The following ANK2 variants were observed in gnomAD, a reference collection of about 807,000 sequenced individuals.
ANK2 encodes ankyrin 2, also known as ankyrin-2.
ANK2 carries 83 observed loss-of-function variants against 360.5 expected under a neutral mutation model. That is an observed-to-expected ratio of 0.23 (90% CI 0.19 to 0.28). ANK2 has a LOEUF of 0.28. Among genes scored for constraint, ANK2 ranks in the 10% least tolerant of loss-of-function variants. The probability of loss-of-function intolerance (pLI) is 1.00; values close to 1 mark genes in which losing one functional copy is unlikely to be tolerated. For missense variants in ANK2, 4,201 were observed against 4,795.7 expected (o/e 0.88, Z 3.66); for synonymous variants, 1,740 against 1,759.5 (o/e 0.99, Z 0.28).
At chr4:113,280,742 G>A (rs924213742) in intron 17 of ANK2, among the ~76,000 whole-genome samples, 1 of 152,134 alleles carries the variant, frequency 6.6e-6, no homozygotes, top group African/African-American at 2.4e-5. Flanking sequence ...AGATCTTGTA[G>A]GTTGAGTATC....
chr4:112,812,074 C>CAA, the ANK2 span, among the ~76,000 whole-genome samples: 665 of 78,266 alleles, frequency 8.5e-3, 6 homozygotes, highest in East Asian at 0.025. Context: ...GACTCCGTCT[C>CAA]AAAAAAAAAA....
intron 2 of ANK2, among the ~76,000 whole-genome samples, chr4:112,987,342 C>G (rs537444530): frequency 6.6e-6 from 1 of 152,136 alleles, no homozygotes; most frequent in Non-Finnish European, 1.5e-5. Context: ...TGGTGATGTT[C>G]TCTATACTCA....
chr4:112,765,897 G>T, the ANK2 span, among the ~76,000 whole-genome samples: 1 of 152,022 alleles, frequency 6.6e-6, no homozygotes, highest in Non-Finnish European at 1.5e-5. Flanking sequence ...GCCACACTTG[G>T]AATCATCCTC....
At chr4:113,210,051 C>T (rs2099003070) in intron 4 of ANK2, among the ~76,000 whole-genome samples, 1 of 152,146 alleles carries the variant, frequency 6.6e-6, no homozygotes, top group Non-Finnish European at 1.5e-5. Context: ...GCTTTTGTGC[C>T]TATAGGGGAA....
At chr4:113,072,299 G>A (rs922043213) in intron 1 of ANK2, among the ~76,000 whole-genome samples, 9 of 152,190 alleles carry the variant, frequency 5.9e-5, no homozygotes, top group African/African-American at 9.7e-5. Flanking sequence ...CAATTTTTAT[G>A]TCCTCAAGCC....
rs572100423 is a variant in ANK2 at position 113,322,927 on chromosome 4, G to T, written c.2900+4307G>T. On this transcript the variant is annotated intron_variant, in intron 26 of 45. Coordinates refer to ENST00000357077, the MANE Select transcript of ANK2 (RefSeq NM_001148.6). ...TAGGGTTTTTTTTAGATACGTGAAG[G>T]TAAATTCTTTTAGATGAGGAAAGTT... Among the ~76,000 whole-genome samples, 7 of 152,112 alleles carry T rather than the reference G, an allele frequency of 4.6e-5. 1 individual carries two copies. Among genetic ancestry groups the T allele is most frequent in the African/African-American group, 1.7e-4 (7 of 41,488 alleles).
chr4:112,877,230 C>A (rs1412578407), intron 1 of ANK2, among the ~76,000 whole-genome samples: 2 of 152,196 alleles, frequency 1.3e-5, no homozygotes, highest in Non-Finnish European at 2.9e-5. Context: ...TATTGCTAAG[C>A]CTGTAAGACG....
At chr4:113,269,581 TG>T (rs1266735930) in intron 14 of ANK2, among the ~76,000 whole-genome samples, 7 of 152,232 alleles carry the variant, frequency 4.6e-5, no homozygotes, top group African/African-American at 1.7e-4. Context: ...CACCCTGCTT[TG>T]GCTTGCCCTC....
At position 113,332,117 on chromosome 4, in the gene ANK2, TCTC is replaced by T. The variant is rs767380595; in HGVS notation, c.3224+50_3224+52del. 3.4e-6 allele frequency: 5 copies of T among 1,455,046 alleles called. No homozygotes were observed. The Admixed American group carries it at 8.4e-5, about 24-fold the overall frequency. The allele number at this position is 1,455,046 out of a possible 1,614,324, so 90.1% of individuals were successfully genotyped here. A position where few individuals can be genotyped will look rare whatever the true frequency, so the allele number is the denominator to read the frequency against. ...TTGATGGCTGCTGGCCCCCCATTCTTCTCCTTCTTCTGCAATATGATTTCTCTT... is the reference window on the plus strand; with the variant it reads ...TTGATGGCTGCTGGCCCCCCATTCTTCTTCTTCTGCAATATGATTTCTCTT... On this transcript the variant is annotated intron_variant, in intron 28 of 45. Coordinates refer to ENST00000357077, the MANE Select transcript of ANK2 (RefSeq NM_001148.6).
chr4:113,232,305 C>T, intron 5 of ANK2, 46 bp downstream of exon 5: 1 of 1,384,696 alleles, frequency 7.2e-7, no homozygotes, highest in Non-Finnish European at 1.0e-6. Context: ...ATCTTAATGT[C>T]CATATTCTTT....
chr4:113,198,431 T>G (rs527894628), intron 3 of ANK2, among the ~76,000 whole-genome samples: 2 of 152,308 alleles, frequency 1.3e-5, no homozygotes, highest in African/African-American at 4.8e-5. Context: ...AAATTATTTT[T>G]CATTGGTGTT....
intron 2 of ANK2, among the ~76,000 whole-genome samples, chr4:112,955,033 A>T (rs1284454122): frequency 2.0e-5 from 3 of 152,168 alleles, no homozygotes; most frequent in Non-Finnish European, 4.4e-5. Flanking sequence ...TGCCCACATT[A>T]CAACTATGTT....
At chr4:113,008,315 C>A (rs1264988119) in intron 2 of ANK2, among the ~76,000 whole-genome samples, 1 of 152,038 alleles carries the variant, frequency 6.6e-6, no homozygotes, top group African/African-American at 2.4e-5. Context: ...TAGAGAAAAG[C>A]CTCACATGAT....
intron 2 of ANK2, among the ~76,000 whole-genome samples, chr4:113,024,078 G>A (rs1579298261): frequency 6.6e-6 from 1 of 151,962 alleles, no homozygotes; most frequent in East Asian, 1.9e-4. Flanking sequence ...GTAATGTTAC[G>A]CATATTCTAG....
chr4:112,796,248 A>G, the ANK2 span, among the ~76,000 whole-genome samples: 1 of 151,812 alleles, frequency 6.6e-6, no homozygotes, highest in Non-Finnish European at 1.5e-5. Context: ...ACATGGAGAA[A>G]CTCCATCTCT....
chr4:112,771,667 G>A, the ANK2 span, among the ~76,000 whole-genome samples: 1 of 151,224 alleles, frequency 6.6e-6, no homozygotes, highest in Non-Finnish European at 1.5e-5. Flanking sequence ...CTCACTGCAA[G>A]CTCCGCCTCC....
intron 2 of ANK2, among the ~76,000 whole-genome samples, chr4:112,969,183 G>C (rs1188534573): frequency 6.6e-6 from 1 of 152,140 alleles, no homozygotes; most frequent in Non-Finnish European, 1.5e-5. Flanking sequence ...TCAGACCCTA[G>C]GCACTGGAGC....
At chr4:112,887,201 G>A (rs1349499714) in intron 1 of ANK2, among the ~76,000 whole-genome samples, 2 of 152,170 alleles carry the variant, frequency 1.3e-5, no homozygotes, top group Non-Finnish European at 2.9e-5. Flanking sequence ...AGTTACTGAT[G>A]TATTTAGCCA....
chr4:112,824,503 T>G (rs1168503066), intron 1 of ANK2, among the ~76,000 whole-genome samples: 1 of 124,970 alleles, frequency 8.0e-6, no homozygotes, highest in Non-Finnish European at 1.6e-5. Context: ...CACCCCACCT[T>G]TAGCATTTTT....
Sources: allele counts gnomAD v4.1 joint callset (sites outside exome capture counted in the v4.1 genomes callset), GRCh38; gene constraint gnomAD v4.1.1; transcripts MANE v1.5; gene names NCBI Gene and HGNC (gene_info 2026-07-23, HGNC 2026-07-21).